CD247: variants seen among roughly 807,000 people sequenced by gnomAD.
CD247 encodes CD247 molecule.
Under a neutral mutation model 30.0 loss-of-function variants are expected in CD247, and 13 were observed. That is an observed-to-expected ratio of 0.43 (90% CI 0.28 to 0.69). CD247 has a LOEUF of 0.69. Ranked by LOEUF, CD247 falls within the 30% of genes least tolerant of loss-of-function variation. The pLI is 0.16. For missense variants in CD247, 193 were observed against 212.6 expected (o/e 0.91, Z 0.57); for synonymous variants, 72 against 80.0 (o/e 0.90, Z 0.53).
rs34314550 is a variant in CD247 at position 167,451,970 on chromosome 1, C to T, written c.59-11203G>A. On this transcript the variant is annotated intron_variant, in intron 1 of 7. Transcript: ENST00000362089. ...GGGTGCGGTGGCTCATGCCTGTATT[C>T]CCAGCACTTTGGGAGGTGGAGGCGG... Among the ~76,000 whole-genome samples the T allele has an allele frequency of 5.3e-5, 8 of 152,292 alleles. No homozygotes were observed. The East Asian group carries it at 1.2e-3, about 22-fold the overall frequency.
chr1:167,438,234 G>A (rs1287291710), intron 4 of CD247, among the ~76,000 whole-genome samples: 1 of 152,174 alleles, frequency 6.6e-6, no homozygotes, highest in Non-Finnish European at 1.5e-5. Context: ...TTCCTGTATG[G>A]ACCTCTTCAC....
chr1:167,482,509 C>T (rs994603735), intron 1 of CD247, among the ~76,000 whole-genome samples: 1 of 152,230 alleles, frequency 6.6e-6, no homozygotes, highest in Non-Finnish European at 1.5e-5. Context: ...AGAGTTGCCA[C>T]TCCCTTCCTT....
chr1:167,438,012 TAAAG>T (rs1651627180), intron 4 of CD247, among the ~76,000 whole-genome samples: 1 of 144,574 alleles, frequency 6.9e-6, no homozygotes. Flanking sequence ...ATAAAATAAA[TAAAG>T]ACAGAGGAAG....
chr1:167,507,794 C>A (rs1481726896), intron 1 of CD247, among the ~76,000 whole-genome samples: 1 of 151,766 alleles, frequency 6.6e-6, no homozygotes, highest in Non-Finnish European at 1.5e-5. Flanking sequence ...TGTGATCACA[C>A]CCCTGCACTC....
intron 1 of CD247, among the ~76,000 whole-genome samples, chr1:167,509,223 G>A (rs1655275571): frequency 6.6e-6 from 1 of 151,916 alleles, no homozygotes; most frequent in Non-Finnish European, 1.5e-5. Context: ...AAAATTAGCC[G>A]GGTGTGTTGG....
At chr1:167,456,355 A>T (rs1652670515) in intron 1 of CD247, among the ~76,000 whole-genome samples, 1 of 152,160 alleles carries the variant, frequency 6.6e-6, no homozygotes, top group African/African-American at 2.4e-5. Flanking sequence ...CCACTGATAG[A>T]GCTTTTTCCT....
intron 1 of CD247, among the ~76,000 whole-genome samples, chr1:167,474,062 G>A (rs1051044266): frequency 6.6e-6 from 1 of 152,226 alleles, no homozygotes; most frequent in East Asian, 1.9e-4. Flanking sequence ...ACTAGATAAA[G>A]CCGTGTGAAC....
chr1:167,432,617 T>C (rs1651324687), intron 7 of CD247, among the ~76,000 whole-genome samples: 1 of 152,264 alleles, frequency 6.6e-6, no homozygotes, highest in Non-Finnish European at 1.5e-5. Context: ...TAGCTTTTTT[T>C]CCTTCAGTCT....
intron 1 of CD247, among the ~76,000 whole-genome samples, chr1:167,474,752 C>CGT (rs1653675358): frequency 8.1e-6 from 1 of 123,312 alleles, no homozygotes; most frequent in African/African-American, 3.0e-5. Context: ...TTAAAACTGT[C>CGT]TTTTTTTTTT....
At chr1:167,432,924 G>A (rs1304524924) in intron 7 of CD247, 100 bp downstream of exon 7, 10 of 1,334,494 alleles carry the variant, frequency 7.5e-6, no homozygotes, top group Non-Finnish European at 4.3e-6. Context: ...CCCAGCTGTT[G>A]GCAAGAGCTG....
chr1:167,480,214 A>G (rs566476765), intron 1 of CD247, among the ~76,000 whole-genome samples: 45 of 152,304 alleles, frequency 3.0e-4, no homozygotes, highest in African/African-American at 9.6e-4. Flanking sequence ...CAGTTTTCTC[A>G]CTTTGAGCAT....
At chr1:167,434,324 G>A (rs2101986925) in intron 5 of CD247, 1 of 562,682 alleles carries the variant, frequency 1.8e-6, no homozygotes, top group Non-Finnish European at 3.2e-6. Context: ...GAGCTGAGGG[G>A]CTCAAGTTAG....
At chr1:167,466,935 G>T (rs1203863556) in intron 1 of CD247, among the ~76,000 whole-genome samples, 1 of 152,038 alleles carries the variant, frequency 6.6e-6, no homozygotes, top group African/African-American at 2.4e-5. Context: ...TGCCTCCCAG[G>T]TTCACGCCAT....
chr1:167,503,486 G>T (rs1275954220), intron 1 of CD247, among the ~76,000 whole-genome samples: 3 of 152,126 alleles, frequency 2.0e-5, no homozygotes, highest in African/African-American at 7.2e-5. Flanking sequence ...CTTCCCCCTG[G>T]GAACGTGTAA....
intron 1 of CD247, among the ~76,000 whole-genome samples, chr1:167,492,145 C>G (rs758261244): frequency 6.6e-6 from 1 of 152,086 alleles, no homozygotes; most frequent in Non-Finnish European, 1.5e-5. Context: ...GTGTATTTTA[C>G]CAGGCAAAAA....
intron 5 of CD247, 52 bp from the exon 6 acceptor site, chr1:167,434,128 G>A: frequency 1.3e-6 from 2 of 1,542,182 alleles, no homozygotes; most frequent in Non-Finnish European, 1.8e-6. Context: ...GCAGAAAGCA[G>A]CAGGTTCCCC....
chr1:167,440,558 G>T lies in CD247; in HGVS notation c.162+106C>A. 4 of 754,674 alleles carry T rather than the reference G, an allele frequency of 5.3e-6. No homozygotes were observed. The South Asian group carries it at 5.9e-5, about 11-fold the overall frequency. The allele number at this position is 754,674 out of a possible 1,614,324, so 46.7% of individuals were successfully genotyped here. ...TCCTTGCTTTGCTCCTGGATACCAA[G>T]CCCCAGGCACCACCCGAGCTTGAGA... is the stretch of plus-strand genomic sequence containing the variant. On this transcript the variant is annotated intron_variant, in intron 2 of 7. Transcript: ENST00000362089.
At chr1:167,439,646 T>G in intron 2 of CD247, 1 of 566,346 alleles carries the variant, frequency 1.8e-6, no homozygotes, top group Non-Finnish European at 3.2e-6. Context: ...CAGGACCCGC[T>G]GGAGTTTATT....
At chr1:167,448,248 G>T in intron 1 of CD247, 1 of 503,920 alleles carries the variant, frequency 2.0e-6, no homozygotes, top group Non-Finnish European at 2.6e-6. Context: ...CTGAGGCTCA[G>T]AGAAGTTAAT....
Sources: gnomAD v4.1 joint callset for allele counts (sites outside exome capture counted in the v4.1 genomes callset) on GRCh38, gnomAD v4.1.1 for gene constraint, MANE v1.5 for transcripts, NCBI Gene and HGNC (gene_info 2026-07-23, HGNC 2026-07-21) for gene names.